The following DHX29 variants were observed in gnomAD, a reference collection of about 807,000 sequenced individuals.
DHX29 encodes the protein ATP-dependent RNA helicase DHX29.
A neutral mutation model predicts 167.9 loss-of-function variants in DHX29; 79 were observed. That is an observed-to-expected ratio of 0.47 (90% CI 0.39 to 0.57). The LOEUF is 0.57. DHX29 is among the 20% of genes least tolerant of loss of function. The probability of loss-of-function intolerance (pLI) is 0.00; values close to 1 mark genes in which losing one functional copy is unlikely to be tolerated. For missense variants in DHX29, 1,347 were observed against 1,593.4 expected (o/e 0.85, Z 2.63); for synonymous variants, 530 against 546.0 (o/e 0.97, Z 0.41).
intron 23 of DHX29, among the ~76,000 whole-genome samples, chr5:55,266,522 T>G: frequency 6.6e-6 from 1 of 151,480 alleles, no homozygotes; most frequent in East Asian, 1.9e-4. Flanking sequence ...TTGGTCAGGC[T>G]GGTCTCAAAC....
At chr5:55,277,081 T>C in intron 13 of DHX29, 25 bp downstream of exon 13, 2 of 1,562,142 alleles carry the variant, frequency 1.3e-6, no homozygotes, top group South Asian at 1.2e-5. Context: ...TTTCTGCTTA[T>C]ACACACATTA....
chr5:55,260,236 A>C (rs930796438), intron 25 of DHX29, among the ~76,000 whole-genome samples: 1 of 151,744 alleles, frequency 6.6e-6, no homozygotes, highest in East Asian at 1.9e-4. Flanking sequence ...TGGGGAGGGA[A>C]ATTTTTTTTT....
intron 23 of DHX29, 63 bp downstream of exon 23, chr5:55,267,075 T>C: frequency 2.7e-6 from 3 of 1,117,304 alleles, no homozygotes; most frequent in Non-Finnish European, 3.9e-6. Context: ...GGCATTCTTT[T>C]TTCCAGAATA....
At chr5:55,265,035 G>A (rs1310530440) in intron 23 of DHX29, among the ~76,000 whole-genome samples, 185 of 130,342 alleles carry the variant, frequency 1.4e-3, no homozygotes, top group East Asian at 3.2e-3. Context: ...AATCTAGCTG[G>A]CCCCATTGAT....
intron 26 of DHX29, among the ~76,000 whole-genome samples, chr5:55,257,709 G>C (rs537473752): frequency 7.2e-5 from 11 of 152,202 alleles, no homozygotes; most frequent in Non-Finnish European, 1.2e-4. Context: ...ATCCAAGAGA[G>C]AGCACTAACA....
At chr5:55,260,791 TAC>T (rs1453058182) in intron 25 of DHX29, among the ~76,000 whole-genome samples, 1 of 152,154 alleles carries the variant, frequency 6.6e-6, no homozygotes, top group East Asian at 1.9e-4. Context: ...TTGATGGGAG[TAC>T]AGAGAAACAG....
intron 25 of DHX29, among the ~76,000 whole-genome samples, chr5:55,260,375 G>A (rs1402934499): frequency 6.6e-6 from 1 of 152,000 alleles, no homozygotes; most frequent in Non-Finnish European, 1.5e-5. Context: ...GGGATTACAG[G>A]TGCCTGCCAC....
chr5:55,275,072 A>G lies in DHX29; in HGVS notation c.2428-62T>C, dbSNP rs1030518963. The G allele has an allele frequency of 3.2e-6, 5 of 1,556,982 alleles. No homozygotes were observed. In the African/African-American group the frequency reaches 6.9e-5, roughly 22 times the overall value. On this transcript the variant is annotated intron_variant, in intron 14 of 26. Coordinates refer to ENST00000251636, the MANE Select transcript of DHX29 (RefSeq NM_019030.4). ...TATTAAGTATTTTTGTAAGACAAAG[A>G]AGGAAAAAAGGCGGTATTTGCATTC... is the stretch of plus-strand genomic sequence containing the variant.
At chr5:55,298,305 G>T (rs999573584) in intron 2 of DHX29, among the ~76,000 whole-genome samples, 1 of 152,206 alleles carries the variant, frequency 6.6e-6, no homozygotes, top group Non-Finnish European at 1.5e-5. Context: ...ATTAAGTAGA[G>T]ATCAGAGTAG....
rs753483692 is a variant in DHX29 at position 55,277,292 on chromosome 5, A to C, written c.2110-10T>G. On this transcript the variant is annotated splice_polypyrimidine_tract_variant and intron_variant, in intron 12 of 26. Transcript: ENST00000251636. ...CACTTCTTTCATGAACCTAGTTTTA[A>C]AAAGGGAATAAAAAAGTTCATCATA... The C allele has an allele frequency of 3.2e-6, 5 of 1,566,566 alleles. No homozygotes were observed. In the East Asian group the frequency reaches 1.1e-4, roughly 35 times the overall value.
At chr5:55,268,178 A>C (rs892353079) in intron 21 of DHX29, among the ~76,000 whole-genome samples, 2 of 152,222 alleles carry the variant, frequency 1.3e-5, no homozygotes, top group African/African-American at 4.8e-5. Flanking sequence ...AGTTAGAGGC[A>C]ATCTGGGAAT....
chr5:55,275,457 T>A (rs1747061454), intron 14 of DHX29, among the ~76,000 whole-genome samples: 1 of 152,184 alleles, frequency 6.6e-6, no homozygotes, highest in Admixed American at 6.5e-5. Flanking sequence ...AGTCTTTCTT[T>A]AGTTTGTAAT....
chr5:55,280,400 T>C (rs184493989), intron 12 of DHX29, among the ~76,000 whole-genome samples: 1 of 152,350 alleles, frequency 6.6e-6, no homozygotes, highest in East Asian at 1.9e-4. Flanking sequence ...ATGTTTCAAC[T>C]TACCTAACAG....
rs777760824 is a variant in DHX29, at chr5:55,307,687, G to C, written c.-114C>G. ...GGCTGCCACCCTGCGCTTCGATCCG[G>C]GCTTCTCGGGCCGGGGCGACCGCTG... On this transcript the variant is annotated 5_prime_UTR_variant, in exon 1 of 27. Coordinates refer to ENST00000251636, the MANE Select transcript of DHX29 (RefSeq NM_019030.4). 5.8e-6 allele frequency: 8 copies of C among 1,380,794 alleles called. No individual in the cohort carries two copies. The highest frequency in any genetic ancestry group is 7.9e-6 in the Non-Finnish European group (8 of 1,012,316). 85.5% of individuals were successfully genotyped at this position (1,380,794 alleles called of 1,614,324 possible).
chr5:55,266,264 T>TG (rs763728008), intron 23 of DHX29, among the ~76,000 whole-genome samples: 43 of 151,702 alleles, frequency 2.8e-4, no homozygotes, highest in Non-Finnish European at 5.9e-4. Flanking sequence ...CCCAAAGTGC[T>TG]AGATTACAGG....
At chr5:55,277,055 C>G (rs369990473) in intron 13 of DHX29, 51 bp downstream of exon 13, 2 of 1,374,138 alleles carry the variant, frequency 1.5e-6, no homozygotes, top group Non-Finnish European at 2.0e-6. Flanking sequence ...AGGGAAAGAA[C>G]CTGGTGGGAA....
chr5:55,291,332 C>T (rs1457388741), intron 6 of DHX29, among the ~76,000 whole-genome samples: 1 of 152,128 alleles, frequency 6.6e-6, no homozygotes, highest in East Asian at 1.9e-4. Context: ...GACAATTAAG[C>T]AAGCATATCT....
At position 55,281,380 on chromosome 5, in the gene DHX29, C is replaced by A; in HGVS notation, c.2101G>T (p.Val701Leu). ...GLLSNVSHVIVDEVHERSVQS... is the reference protein window; with the variant it reads ...GLLSNVSHVILDEVHERSVQS... ...CTATAGAATCCACTCACCTCATCTACAATAACATGAGACACATTACTTAGA... is the reference window on the plus strand; with the variant it reads ...CTATAGAATCCACTCACCTCATCTAAAATAACATGAGACACATTACTTAGA... The change falls in exon 12 of 27, where the codon GTA becomes TTA. Residue 701 changes from valine to leucine, a missense_variant. Transcript: ENST00000251636. The A allele has an allele frequency of 6.3e-7, 1 of 1,583,790 alleles. No individual in the cohort carries two copies. The highest frequency in any genetic ancestry group is 8.6e-7 in the Non-Finnish European group (1 of 1,165,786).
chr5:55,276,332 A>C lies in DHX29; in HGVS notation c.2361T>G (p.Phe787Leu). The C allele has an allele frequency of 6.2e-7, 1 of 1,605,386 alleles. No homozygotes were observed. Among genetic ancestry groups the C allele is most frequent in the Non-Finnish European group, 8.5e-7 (1 of 1,177,016 alleles). Residue 787 changes from phenylalanine (F) to leucine (L), a missense_variant, in exon 14 of 27, where the codon TTT (phenylalanine) becomes TTG (leucine). By Grantham distance (22) the Phe-to-Leu change is conservative. This residue lies in a region of DHX29 where 882 missense variants were observed against 1,082.4 expected (regional missense o/e 0.81). Coordinates refer to ENST00000251636, the MANE Select transcript of DHX29 (RefSeq NM_019030.4). Reference sequence around the variant, plus strand: ...TGGTTACTTCTTCTTCCTCTTCCAGAAATTTCTGACAATATTCTGAGTCTT... The same window carrying C: ...TGGTTACTTCTTCTTCCTCTTCCAGCAATTTCTGACAATATTCTGAGTCTT... Reference protein sequence around the residue: ...LEKDSEYCQKFLEEEEEVTIN... With the variant: ...LEKDSEYCQKLLEEEEEVTIN...
Sources: allele counts gnomAD v4.1 joint callset (sites outside exome capture counted in the v4.1 genomes callset), GRCh38; gene constraint gnomAD v4.1.1; regional missense constraint gnomAD v4.1.1; transcripts MANE v1.5; gene names NCBI Gene and HGNC (gene_info 2026-07-23, HGNC 2026-07-21).